Variants in SCD5 observed in about 807,000 individuals in gnomAD.
SCD5 encodes the protein acyl-CoA-desaturase 4.
Under a neutral mutation model 30.4 loss-of-function variants are expected in SCD5, and 20 were observed. The observed-to-expected ratio is 0.66, with a 90% CI of 0.46 to 0.96. The LOEUF (loss-of-function observed/expected upper bound fraction) is 0.96, where lower values mean the gene tolerates loss of function less well. Ranked by LOEUF, SCD5 falls within the 40% of genes least tolerant of loss-of-function variation. The pLI is 0.00. For synonymous variants in SCD5, 173 were observed against 176.4 expected (o/e 0.98, Z 0.16); for missense variants, 381 against 443.3 (o/e 0.86, Z 1.26).
chr4:82,709,570 C>T (rs904704778), intron 1 of SCD5, among the ~76,000 whole-genome samples: 1 of 152,172 alleles, frequency 6.6e-6, no homozygotes, highest in Admixed American at 6.5e-5. Context: ...AAGAAGTCAA[C>T]TGAGCAAGGT....
chr4:82,774,031 G>A (rs913121214), intron 1 of SCD5, among the ~76,000 whole-genome samples: 1 of 150,628 alleles, frequency 6.6e-6, no homozygotes, highest in African/African-American at 2.5e-5. Flanking sequence ...AGAGGTTGCA[G>A]TGATCCAAGA....
intron 1 of SCD5, among the ~76,000 whole-genome samples, chr4:82,706,774 G>T (rs1719980530): frequency 6.6e-6 from 1 of 152,240 alleles, no homozygotes; most frequent in African/African-American, 2.4e-5. Context: ...TTGAGCCACT[G>T]GTTGCTGACC....
intron 4 of SCD5, 89 bp from the exon 5 acceptor site, chr4:82,631,606 G>A (rs924642533): frequency 1.6e-5 from 22 of 1,400,166 alleles, no homozygotes; most frequent in Middle Eastern, 1.8e-4. Flanking sequence ...GGTTTACCAT[G>A]TGCAGGACAT....
chr4:82,637,944 G>C (rs375307880), intron 3 of SCD5, among the ~76,000 whole-genome samples: 1 of 152,092 alleles, frequency 6.6e-6, no homozygotes, highest in Non-Finnish European at 1.5e-5. Flanking sequence ...CGTGTGCCAC[G>C]ATGGTTTGCT....
rs1248882922 is a variant in SCD5 at position 82,680,687 on chromosome 4, C to T, written c.569+20G>A. 26 of 1,612,458 alleles carry T rather than the reference C, an allele frequency of 1.6e-5. 1 individual carries two copies. Among genetic ancestry groups the T allele is most frequent in the African/African-American group, 1.1e-4 (8 of 75,020 alleles). Reference sequence around the variant, plus strand: ...TCCTGGCCCCTGAGGGACAGCTCTCCGTCATGCCCATTCACTTACTTTCTC... The same window carrying T: ...TCCTGGCCCCTGAGGGACAGCTCTCTGTCATGCCCATTCACTTACTTTCTC... On this transcript the variant is annotated intron_variant, in intron 3 of 4. Coordinates refer to ENST00000319540, the MANE Select transcript of SCD5 (RefSeq NM_001037582.3).
At chr4:82,685,397 A>G (rs940265402) in intron 2 of SCD5, among the ~76,000 whole-genome samples, 1 of 152,158 alleles carries the variant, frequency 6.6e-6, no homozygotes, top group African/African-American at 2.4e-5. Context: ...AACTTGGGCT[A>G]CAGAAAAAAT....
At chr4:82,798,010 A>C (rs1412614397) in intron 1 of SCD5, among the ~76,000 whole-genome samples, 1 of 136,002 alleles carries the variant, frequency 7.4e-6, no homozygotes, top group Non-Finnish European at 1.6e-5. Flanking sequence ...GCACCGCAGG[A>C]CTCCGGGTCC....
At chr4:82,670,054 C>G (rs1728274970) in intron 3 of SCD5, among the ~76,000 whole-genome samples, 1 of 152,172 alleles carries the variant, frequency 6.6e-6, no homozygotes, top group African/African-American at 2.4e-5. Context: ...TACTGAAGAC[C>G]TATATACAGC....
intron 1 of SCD5, among the ~76,000 whole-genome samples, chr4:82,712,243 C>CATATTTAT: frequency 3.5e-5 from 1 of 28,832 alleles, no homozygotes; most frequent in East Asian, 7.9e-4. Flanking sequence ...GACCAACTAA[C>CATATTTAT]ATATATATAT....
chr4:82,631,345 A>C lies in SCD5; in HGVS notation c.975T>G (p.Thr325=). 6.2e-7 allele frequency: 1 copy of C among 1,613,994 alleles called. No individual in the cohort carries two copies. Among genetic ancestry groups the C allele is most frequent in the Non-Finnish European group, 8.5e-7 (1 of 1,179,972 alleles). ...KPMIEARKAR[T]GDSSA is the part of the protein sequence containing the mutation. ...TCCAAGTTCAAGCACTGCTGTCTCCAGTCCTGGCCTTCCGGGCCTCGATCA... is the reference window on the plus strand; with the variant it reads ...TCCAAGTTCAAGCACTGCTGTCTCCCGTCCTGGCCTTCCGGGCCTCGATCA... Residue 325 remains threonine, a synonymous_variant, in exon 5 of 5, where the codon ACT becomes ACG. Transcript: ENST00000319540.
At position 82,632,800 on chromosome 4, in the gene SCD5, A is replaced by G. The variant is rs139124126; in HGVS notation, c.803-1283T>C. On this transcript the variant is annotated intron_variant, in intron 4 of 4. Transcript: ENST00000319540. Reference sequence around the variant, plus strand: ...CTCTCTCACTTTTTTTAAAAGATGTACTCATGAGAGCTCTCATGGCTTCTC... The same window carrying G: ...CTCTCTCACTTTTTTTAAAAGATGTGCTCATGAGAGCTCTCATGGCTTCTC... 3.4e-3 allele frequency among the ~76,000 whole-genome samples: 512 copies of G among 152,230 alleles called. 2 individuals are homozygous for G. The highest frequency in any genetic ancestry group is 0.023 in the East Asian group (120 of 5,184).
At chr4:82,782,411 C>G (rs976942889) in intron 1 of SCD5, among the ~76,000 whole-genome samples, 2 of 152,102 alleles carry the variant, frequency 1.3e-5, no homozygotes, top group South Asian at 2.1e-4. Context: ...GGGGTAATAA[C>G]TACTCCCATA....
chr4:82,680,600 G>C, intron 3 of SCD5, 107 bp downstream of exon 3: 1 of 994,148 alleles, frequency 1.0e-6, no homozygotes, highest in Middle Eastern at 3.2e-4. Context: ...AAAATTGTTA[G>C]GGCAAATGCT....
intron 1 of SCD5, among the ~76,000 whole-genome samples, chr4:82,780,723 T>C (rs10516680): frequency 0.05 from 7,647 of 152,334 alleles, 271 homozygotes; most frequent in Middle Eastern, 0.085. Context: ...GGAGATTAAT[T>C]AGCACTTCAG....
chr4:82,695,372 C>T (rs948519654), intron 2 of SCD5, among the ~76,000 whole-genome samples: 3 of 151,914 alleles, frequency 2.0e-5, no homozygotes, highest in Admixed American at 6.6e-5. Flanking sequence ...TTTGCAGTAG[C>T]CTAGGAAAAA....
intron 3 of SCD5, among the ~76,000 whole-genome samples, chr4:82,670,687 T>C (rs1028526622): frequency 2.6e-5 from 4 of 151,844 alleles, no homozygotes; most frequent in Non-Finnish European, 5.9e-5. Context: ...CAATTCCATA[T>C]CAATTGATAT....
At position 82,791,424 on chromosome 4, in the gene SCD5, A is replaced by G. The variant is rs556802690; in HGVS notation, c.232+6882T>C. On this transcript the variant is annotated intron_variant, in intron 1 of 4. Coordinates refer to ENST00000319540, the MANE Select transcript of SCD5 (RefSeq NM_001037582.3). ...AGGGGAAATAAAATTGGAAAAAAAA[A>G]AAAACTGCCTTTACCCAGGACCAGG... 6.6e-5 allele frequency among the ~76,000 whole-genome samples: 10 copies of G among 152,032 alleles called. No individual in the cohort carries two copies. The South Asian group carries it at 2.1e-3, about 32-fold the overall frequency.
At chr4:82,650,638 G>A (rs1343194452) in intron 3 of SCD5, among the ~76,000 whole-genome samples, 2 of 151,806 alleles carry the variant, frequency 1.3e-5, no homozygotes, top group East Asian at 3.9e-4. Context: ...TGAGGCTACA[G>A]TGAGCCATGA....
chr4:82,739,787 T>G (rs1157673836), intron 1 of SCD5, among the ~76,000 whole-genome samples: 1 of 152,230 alleles, frequency 6.6e-6, no homozygotes, highest in African/African-American at 2.4e-5. Context: ...GATGAAAACT[T>G]GATAATTTTT....
Sources: allele counts gnomAD v4.1 joint callset (sites outside exome capture counted in the v4.1 genomes callset), GRCh38; gene constraint gnomAD v4.1.1; transcripts MANE v1.5; gene names NCBI Gene and HGNC (gene_info 2026-07-23, HGNC 2026-07-21).